Variants in DTNB observed in about 807,000 individuals in gnomAD.
DTNB encodes DTN-B.
In DTNB, 63 loss-of-function variants were observed where a neutral mutation model predicts 90.7. That is an observed-to-expected ratio of 0.69 (90% CI 0.57 to 0.86). The LOEUF (loss-of-function observed/expected upper bound fraction) is 0.86, where lower values mean the gene tolerates loss of function less well. Among genes scored for constraint, DTNB ranks in the 40% least tolerant of loss-of-function variants. DTNB has a pLI of 0.00. For missense variants in DTNB, 744 were observed against 807.1 expected (o/e 0.92, Z 0.95); for synonymous variants, 277 against 286.7 (o/e 0.97, Z 0.34).
At position 25,628,311 on chromosome 2, in the gene DTNB, G is replaced by A. The variant is rs575706107; in HGVS notation, c.222C>T (p.Thr74=). 2.2e-5 allele frequency: 35 copies of A among 1,613,716 alleles called. No homozygotes were observed. Among genetic ancestry groups the A allele is most frequent in the Middle Eastern group, 1.6e-4 (1 of 6,062 alleles). The change falls in exon 4 of 21, where the codon ACC becomes ACT. Residue 74 remains threonine, a synonymous_variant. Coordinates refer to ENST00000406818, the MANE Select transcript of DTNB (RefSeq NM_021907.5). Reference sequence around the variant, plus strand: ...TTTCGAGGCGGGACACACTGATCTCGGTGGTATGGTCCAGTGTATTAAGGC... The same window carrying A: ...TTTCGAGGCGGGACACACTGATCTCAGTGGTATGGTCCAGTGTATTAAGGC... ...DNGLNTLDHT[T]EISVSRLETV... is the part of the protein sequence containing the mutation.
rs148129817 is a variant in DTNB, at chr2:25,433,018, C to G, written c.1344-19G>C. The stretch of plus-strand genomic sequence containing the variant: ...GATCTCTCTAGAGAGGATGGGTGAA[C>G]GGAAAGGGGCTGCACAGTGCTTCTC... On this transcript the variant is annotated intron_variant, in intron 13 of 20. Coordinates refer to ENST00000406818, the MANE Select transcript of DTNB (RefSeq NM_021907.5). 6.3e-7 allele frequency: 1 copy of G among 1,583,068 alleles called. No individual in the cohort carries two copies. The highest frequency in any genetic ancestry group is 8.6e-7 in the Non-Finnish European group (1 of 1,166,248).
At chr2:25,402,694 T>C (rs1312331705) in intron 16 of DTNB, among the ~76,000 whole-genome samples, 2 of 152,170 alleles carry the variant, frequency 1.3e-5, no homozygotes, top group Admixed American at 6.5e-5. Context: ...TCAGGGCTCA[T>C]GCATAACCTG....
At chr2:25,573,939 C>T (rs1170050750) in intron 8 of DTNB, among the ~76,000 whole-genome samples, 1 of 152,146 alleles carries the variant, frequency 6.6e-6, no homozygotes, top group Admixed American at 6.5e-5. Context: ...ACCCAGTTAC[C>T]TTTCGCTTAA....
intron 8 of DTNB, among the ~76,000 whole-genome samples, chr2:25,563,825 A>C (rs2058607450): frequency 2.0e-5 from 3 of 152,236 alleles, no homozygotes; most frequent in Admixed American, 1.3e-4. Flanking sequence ...CGTCTTGATT[A>C]CTATTGCTTT....
At chr2:25,495,162 C>T (rs1376184621) in intron 9 of DTNB, among the ~76,000 whole-genome samples, 1 of 152,054 alleles carries the variant, frequency 6.6e-6, no homozygotes, top group African/African-American at 2.4e-5. Flanking sequence ...ACCTCCCAGG[C>T]TCAAGTGATT....
chr2:25,518,258 T>C (rs866659582), intron 9 of DTNB, among the ~76,000 whole-genome samples: 2 of 152,184 alleles, frequency 1.3e-5, no homozygotes, highest in African/African-American at 4.8e-5. Flanking sequence ...TGTGAAGTTT[T>C]GTGAGATTTT....
intron 16 of DTNB, among the ~76,000 whole-genome samples, chr2:25,396,971 T>A (rs2042537651): frequency 6.6e-6 from 1 of 151,972 alleles, no homozygotes; most frequent in Non-Finnish European, 1.5e-5. Flanking sequence ...GATAAATTTG[T>A]CCTGAGATTT....
chr2:25,655,368 G>T (rs1365797593), intron 1 of DTNB, among the ~76,000 whole-genome samples: 1 of 152,114 alleles, frequency 6.6e-6, no homozygotes, highest in Non-Finnish European at 1.5e-5. Flanking sequence ...TTGCTTCTAG[G>T]CTAACAACCA....
At position 25,451,594 on chromosome 2, in the gene DTNB, A is replaced by T. The variant is rs1388161769; in HGVS notation, c.1211T>A (p.Leu404His). 1 of 1,608,268 alleles carries T rather than the reference A, an allele frequency of 6.2e-7. No individual in the cohort carries two copies. Among genetic ancestry groups the T allele is most frequent in the Middle Eastern group, 1.7e-4 (1 of 6,050 alleles). ...SPSRLDEEHR[L>H]IARYAARLAA... ...CAGCCGGGCAGCATAGCGAGCTATAAGACGGTGTTCCTCATCCAGTCGGCT... is the reference window on the plus strand; with the variant it reads ...CAGCCGGGCAGCATAGCGAGCTATATGACGGTGTTCCTCATCCAGTCGGCT... Residue 404 changes from leucine to histidine, a missense_variant, in exon 12 of 21, where the codon CTT becomes CAT. Leu to His is a moderately conservative substitution (Grantham distance 99). Coordinates refer to ENST00000406818, the MANE Select transcript of DTNB (RefSeq NM_021907.5).
intron 8 of DTNB, among the ~76,000 whole-genome samples, chr2:25,545,784 G>A (rs1050603921): frequency 2.0e-5 from 3 of 152,130 alleles, no homozygotes; most frequent in African/African-American, 2.4e-5. Context: ...ACCATGCCTG[G>A]CTAATTTCTG....
At chr2:25,634,114 A>G (rs112947732) in intron 3 of DTNB, among the ~76,000 whole-genome samples, 66,640 of 132,616 alleles carry the variant, frequency 0.5, 16,590 homozygotes, top group East Asian at 0.79. Context: ...GAGGTGGGCG[A>G]GTCAGCCCCC....
chr2:25,628,127 T>C (rs750380287), intron 4 of DTNB, 44 bp downstream of exon 4: 5 of 1,576,652 alleles, frequency 3.2e-6, no homozygotes, highest in Non-Finnish European at 4.4e-6. Context: ...CAGAGACAGG[T>C]GTTCTTAAAA....
chr2:25,395,100 A>C (rs931909795), intron 16 of DTNB, among the ~76,000 whole-genome samples: 4 of 152,232 alleles, frequency 2.6e-5, no homozygotes, highest in African/African-American at 9.6e-5. Flanking sequence ...GGAATTGGAG[A>C]CTATTTTTCT....
At chr2:25,482,550 A>C (rs906858786) in intron 10 of DTNB, among the ~76,000 whole-genome samples, 1 of 152,134 alleles carries the variant, frequency 6.6e-6, no homozygotes, top group Non-Finnish European at 1.5e-5. Context: ...TGCTTGTCAC[A>C]AATGAAGTTT....
chr2:25,592,586 T>C (rs560547207), intron 6 of DTNB, among the ~76,000 whole-genome samples: 2 of 150,596 alleles, frequency 1.3e-5, no homozygotes, highest in Non-Finnish European at 3.0e-5. Flanking sequence ...AAAAAAAAAA[T>C]GTGTTTTAAA....
At chr2:25,555,160 G>A (rs1461278443) in intron 8 of DTNB, among the ~76,000 whole-genome samples, 3 of 151,870 alleles carry the variant, frequency 2.0e-5, no homozygotes, top group African/African-American at 7.2e-5. Flanking sequence ...GTGTGGTGGC[G>A]GGTGCCTGTA....
intron 9 of DTNB, among the ~76,000 whole-genome samples, chr2:25,499,360 T>G (rs1306916630): frequency 6.6e-6 from 1 of 152,204 alleles, no homozygotes; most frequent in East Asian, 1.9e-4. Context: ...CTAACTGGTC[T>G]GTGAAATGAC....
chr2:25,502,264 C>T (rs556568953), intron 9 of DTNB, among the ~76,000 whole-genome samples: 20 of 151,846 alleles, frequency 1.3e-4, no homozygotes, highest in Non-Finnish European at 2.2e-4. Context: ...ATGAGACATT[C>T]GACAAAAAGG....
intron 4 of DTNB, among the ~76,000 whole-genome samples, chr2:25,620,921 G>A (rs534970000): frequency 2.0e-5 from 3 of 152,252 alleles, no homozygotes; most frequent in East Asian, 1.9e-4. Context: ...CAGCCACTCC[G>A]GAGGCTGAAG....
Sources: allele counts gnomAD v4.1 joint callset (sites outside exome capture counted in the v4.1 genomes callset), GRCh38; gene constraint gnomAD v4.1.1; transcripts MANE v1.5; gene names NCBI Gene and HGNC (gene_info 2026-07-23, HGNC 2026-07-21).